Variants in MCF2L observed in about 807,000 individuals in gnomAD.
MCF2L encodes guanine nucleotide exchange factor DBS.
MCF2L carries 97 observed loss-of-function variants against 153.4 expected under a neutral mutation model. That is an observed-to-expected ratio of 0.63 (90% CI 0.54 to 0.75). MCF2L has a LOEUF of 0.75. Ranked by LOEUF, MCF2L falls within the 30% of genes least tolerant of loss-of-function variation. MCF2L has a pLI of 0.00. For missense variants in MCF2L, 1,347 were observed against 1,495.2 expected (o/e 0.90, Z 1.64); for synonymous variants, 659 against 632.2 (o/e 1.04, Z -0.64).
rs2081694737 is a variant in MCF2L at position 112,951,621 on chromosome 13, G to A, written c.169+49250G>A. Reference sequence around the variant, plus strand: ...ATAACATTCTTGAAATGGCAAAAGTGTAGCTGTGGAGAATAGTTCAGTGGT... The same window carrying A: ...ATAACATTCTTGAAATGGCAAAAGTATAGCTGTGGAGAATAGTTCAGTGGT... On this transcript the variant is annotated intron_variant, in intron 2 of 29. Transcript: ENST00000375608. The surrounding 1 kb of genome is among the most constrained non-coding windows in gnomAD (Gnocchi z 4.8). Among the ~76,000 whole-genome samples the A allele has an allele frequency of 6.6e-6, 1 of 152,190 alleles. No individual in the cohort carries two copies. Among genetic ancestry groups the A allele is most frequent in the Admixed American group, 6.5e-5 (1 of 15,286 alleles).
intron 1 of MCF2L, among the ~76,000 whole-genome samples, chr13:113,005,389 G>A (rs1482788708): frequency 2.0e-5 from 3 of 152,242 alleles, no homozygotes; most frequent in Admixed American, 6.5e-5. Flanking sequence ...CAGAGTTTCC[G>A]TTGTGCCAAA....
chr13:113,000,740 G>GGGCT (rs1306298387), intron 1 of MCF2L, among the ~76,000 whole-genome samples: 1 of 152,232 alleles, frequency 6.6e-6, no homozygotes, highest in Non-Finnish European at 1.5e-5. Flanking sequence ...GAAGCCTGGA[G>GGGCT]GGCTGGCTGT....
In MCF2L at chr13:113,027,422, G is replaced by A. The variant is rs769687278; in HGVS notation, c.278+2664G>A. On this transcript the variant is annotated intron_variant, in intron 3 of 29. Coordinates refer to ENST00000535094, the MANE Select transcript of MCF2L (RefSeq NM_001112732.3). The surrounding 1 kb of genome is among the most constrained non-coding windows in gnomAD (Gnocchi z 4.8). ...CCGGTGGGCCTTTCGGGGGCAGGACGTCTTGGTGGGCAGAAAGAAGGGGGC... is the reference window on the plus strand; with the variant it reads ...CCGGTGGGCCTTTCGGGGGCAGGACATCTTGGTGGGCAGAAAGAAGGGGGC... 1.3e-5 allele frequency among the ~76,000 whole-genome samples: 2 copies of A among 152,162 alleles called. No homozygotes were observed. Among genetic ancestry groups the A allele is most frequent in the Admixed American group, 6.5e-5 (1 of 15,282 alleles).
rs74734743 is a variant in MCF2L at position 113,074,697 on chromosome 13, G to T, written c.1116+134G>T. The T allele has an allele frequency of 4.5e-6, 6 of 1,330,022 alleles. No homozygotes were observed. The highest frequency in any genetic ancestry group is 2.8e-5 in the South Asian group (2 of 71,620). The allele number at this position is 1,330,022 out of a possible 1,614,324, so 82.4% of individuals were successfully genotyped here. On this transcript the variant is annotated intron_variant, in intron 10 of 29. Transcript: ENST00000535094. This position sits in a 1 kb window ranked among gnomAD's most constrained non-coding sequence, Gnocchi z 4.2. ...AGCCCCCCGGGGATGTCCATGGGGT[G>T]GGGGGTGCTGCTGCCTGTACCCCTC...
At chr13:113,025,452 T>G (rs2085193803) in intron 3 of MCF2L, among the ~76,000 whole-genome samples, 1 of 48,406 alleles carries the variant, frequency 2.1e-5, no homozygotes, top group African/African-American at 9.3e-5. Flanking sequence ...CGGGGCAGAG[T>G]CTCTGTGAGG....
At chr13:112,928,657 G>A (rs2081431899) in intron 2 of MCF2L, among the ~76,000 whole-genome samples, 2 of 152,192 alleles carry the variant, frequency 1.3e-5, no homozygotes, top group Admixed American at 1.3e-4. Flanking sequence ...GCTGGAGTGT[G>A]CACTCTGAAA....
rs577445155 is a variant in MCF2L, at chr13:113,005,743, A to G, written c.80-9020A>G. Among the ~76,000 whole-genome samples, 10 of 152,284 alleles carry G rather than the reference A, an allele frequency of 6.6e-5. No individual in the cohort carries two copies. In the East Asian group the frequency reaches 1.9e-3, roughly 29 times the overall value. ...GGATGTTGGGTATTCTAACTGTAAA[A>G]GGAAATGGCAGCTGTGGGAGGTGAC... On this transcript the variant is annotated intron_variant, in intron 1 of 29. Coordinates refer to ENST00000535094, the MANE Select transcript of MCF2L (RefSeq NM_001112732.3).
intron 15 of MCF2L, 122 bp downstream of exon 15, chr13:113,078,861 T>C: frequency 2.1e-6 from 2 of 948,764 alleles, no homozygotes; most frequent in Non-Finnish European, 3.1e-6. Flanking sequence ...GTCATTGTGG[T>C]TCTTACTTTT....
At chr13:113,040,181 A>G (rs991632219) in intron 3 of MCF2L, among the ~76,000 whole-genome samples, 1 of 152,200 alleles carries the variant, frequency 6.6e-6, no homozygotes, top group African/African-American at 2.4e-5. Flanking sequence ...AGGCAAAACT[A>G]ATGTATGGTG....
At chr13:113,059,590 C>T (rs964543729) in intron 4 of MCF2L, among the ~76,000 whole-genome samples, 1 of 152,200 alleles carries the variant, frequency 6.6e-6, no homozygotes, top group Middle Eastern at 3.2e-3. Context: ...CGAGAGCAAC[C>T]ATCACTGCAC....
chr13:112,901,139 C>A (rs779951917), intron 1 of MCF2L, among the ~76,000 whole-genome samples: 1 of 152,140 alleles, frequency 6.6e-6, no homozygotes, highest in Admixed American at 6.5e-5. Context: ...GGTGGAGCCA[C>A]CGATACCGTT....
intron 1 of MCF2L, among the ~76,000 whole-genome samples, chr13:112,984,683 C>A (rs551671113): frequency 6.6e-6 from 1 of 152,114 alleles, no homozygotes; most frequent in Non-Finnish European, 1.5e-5. Context: ...TTCCTAGTAG[C>A]GCGTGCAAAA....
At chr13:112,961,401 G>A (rs924874331) in intron 2 of MCF2L, among the ~76,000 whole-genome samples, 2 of 152,344 alleles carry the variant, frequency 1.3e-5, no homozygotes, top group Non-Finnish European at 2.9e-5. Flanking sequence ...TTGGCCCTGC[G>A]AGGAGATGCC....
intron 2 of MCF2L, among the ~76,000 whole-genome samples, chr13:112,933,390 C>T (rs571531346): frequency 3.7e-4 from 56 of 152,348 alleles, no homozygotes; most frequent in African/African-American, 1.3e-3. Context: ...TCTGCTCTCC[C>T]AGCCCTGGCT....
intron 1 of MCF2L, among the ~76,000 whole-genome samples, chr13:112,991,409 T>A (rs762807157): frequency 3.3e-5 from 5 of 152,088 alleles, no homozygotes; most frequent in East Asian, 1.9e-4. Context: ...TTGGGGGGTG[T>A]CTCTGAGGAC....
At chr13:112,987,562 G>A (rs1037496165) in intron 1 of MCF2L, among the ~76,000 whole-genome samples, 6 of 152,264 alleles carry the variant, frequency 3.9e-5, no homozygotes, top group Non-Finnish European at 7.3e-5. Context: ...GGCAGACTAA[G>A]GAGGAGGCCG....
rs1337964032 is a variant in MCF2L at position 113,031,191 on chromosome 13, GAGAC to G, written c.278+6437_278+6440del. On this transcript the variant is annotated intron_variant, in intron 3 of 29. Transcript: ENST00000535094. The surrounding 1 kb of genome is among the most constrained non-coding windows in gnomAD (Gnocchi z 5.5). ...ACAGAGAGTGACAGACAGAGACAGA[GAGAC>G]AGAGACAGACAGAGACAGAGACAGA... Among the ~76,000 whole-genome samples, 2 of 150,490 alleles carry G rather than the reference GAGAC, an allele frequency of 1.3e-5. No individual in the cohort carries two copies. The highest frequency in any genetic ancestry group is 2.1e-4 in the South Asian group (1 of 4,724).
chr13:112,976,067 G>C (rs1032609518), intron 1 of MCF2L, among the ~76,000 whole-genome samples: 1 of 152,112 alleles, frequency 6.6e-6, no homozygotes, highest in Non-Finnish European at 1.5e-5. Flanking sequence ...AAATACAACA[G>C]ATCCGATTGT....
At chr13:113,072,369 C>T (rs906618744) in intron 9 of MCF2L, among the ~76,000 whole-genome samples, 1 of 152,204 alleles carries the variant, frequency 6.6e-6, no homozygotes, top group African/African-American at 2.4e-5. Context: ...ACTGCCCCAA[C>T]TAGAGCTTCC....
Sources: allele counts gnomAD v4.1 joint callset (sites outside exome capture counted in the v4.1 genomes callset), GRCh38; gene constraint gnomAD v4.1.1; non-coding constraint Gnocchi (gnomAD v3.1); transcripts MANE v1.5; gene names NCBI Gene and HGNC (gene_info 2026-07-23, HGNC 2026-07-21).